Variants in PLSCR5 observed in about 807,000 individuals in gnomAD.
PLSCR5 encodes the protein phospholipid scramblase family, member 5.
In PLSCR5, 44 loss-of-function variants were observed where a neutral mutation model predicts 33.6. The observed-to-expected ratio is 1.31, with a 90% CI of 1.03 to 1.69. The LOEUF (loss-of-function observed/expected upper bound fraction) is 1.69, where lower values mean the gene tolerates loss of function less well. PLSCR5 is among the 40% of genes most tolerant of loss of function. The pLI is 0.00. For synonymous variants in PLSCR5, 148 were observed against 112.3 expected (o/e 1.32, Z -2.01); for missense variants, 375 against 318.7 (o/e 1.18, Z -1.34).
downstream of PLSCR5, among the ~76,000 whole-genome samples, chr3:146,581,586 A>C (rs752211298): frequency 9.2e-5 from 14 of 152,214 alleles, no homozygotes; most frequent in Non-Finnish European, 1.9e-4. Context: ...TTTCAAAAAT[A>C]TTAGCTAAAT....
At chr3:146,589,552 T>A (rs56763997) in intron 6 of PLSCR5, 101 bp downstream of exon 6, 303,281 of 1,134,534 alleles carry the variant, frequency 0.27, 41,240 homozygotes, top group African/African-American at 0.36. Context: ...TAAAATATAC[T>A]CTTTGGGGGT....
rs1414318908 is a variant in PLSCR5 at position 146,605,330 on chromosome 3, C to T, written c.-118G>A. The T allele has an allele frequency of 1.9e-6, 3 of 1,562,318 alleles. No individual in the cohort carries two copies. The highest frequency in any genetic ancestry group is 1.4e-5 in the African/African-American group (1 of 73,280). On this transcript the variant is annotated 5_prime_UTR_variant, in exon 1 of 8. Coordinates refer to ENST00000443512, the MANE Select transcript of PLSCR5 (RefSeq NM_001085420.2). ...AACTTCAGAACGTGTTTGTCTGCCT[C>T]TTGTCAGCTTACATATAACAGAGGA...
At chr3:146,579,079 G>A (rs2044616939) in intron 7 of PLSCR5, among the ~76,000 whole-genome samples, 1 of 151,798 alleles carries the variant, frequency 6.6e-6, no homozygotes, top group Non-Finnish European at 1.5e-5. Context: ...CAGTTAGAAT[G>A]AACCACAATA....
At chr3:146,593,278 C>A (rs1435907356) in intron 4 of PLSCR5, among the ~76,000 whole-genome samples, 11 of 152,110 alleles carry the variant, frequency 7.2e-5, no homozygotes, top group Non-Finnish European at 1.0e-4. Flanking sequence ...TGTTCTTGCT[C>A]ATGAGTAGAA....
intron 4 of PLSCR5, among the ~76,000 whole-genome samples, chr3:146,593,128 T>C (rs1184749364): frequency 1.3e-5 from 2 of 152,138 alleles, no homozygotes; most frequent in East Asian, 3.8e-4. Context: ...GGGCTTAAAT[T>C]AGGACACCTG....
At chr3:146,584,370 C>T (rs1018206229), downstream of PLSCR5, among the ~76,000 whole-genome samples, 5 of 152,088 alleles carry the variant, frequency 3.3e-5, no homozygotes, top group Non-Finnish European at 7.4e-5. Flanking sequence ...GCAGCACTGG[C>T]AAACAGCAAA....
intron 6 of PLSCR5, among the ~76,000 whole-genome samples, chr3:146,586,563 T>A (rs2044667480): frequency 6.6e-6 from 1 of 152,164 alleles, no homozygotes. Context: ...TTATAATGGA[T>A]ACGAATATTT....
At chr3:146,580,595 G>A (rs1409213402) in intron 7 of PLSCR5, among the ~76,000 whole-genome samples, 2 of 151,062 alleles carry the variant, frequency 1.3e-5, no homozygotes, top group Non-Finnish European at 2.9e-5. Flanking sequence ...CTCCCGAGTA[G>A]CTGGGACTAC....
Position 146,593,928 on chromosome 3 carries a change from G to A in PLSCR5, c.445C>T (p.Leu149=), listed in dbSNP as rs1037254645. 3.7e-6 allele frequency: 6 copies of A among 1,613,334 alleles called. No individual in the cohort carries two copies. Among genetic ancestry groups the A allele is most frequent in the Non-Finnish European group, 5.1e-6 (6 of 1,179,512 alleles). The change falls in exon 4 of 8, where the codon CTA becomes TTA. Residue 149 remains leucine (L), a synonymous_variant. Coordinates refer to ENST00000443512, the MANE Select transcript of PLSCR5 (RefSeq NM_001085420.2). Reference sequence around the variant, plus strand: ...CAGAGCCAGTAACTAACCTCTTGTAGGTAGCAAGGGCACCAGCAGCTGTTA... The same window carrying A: ...CAGAGCCAGTAACTAACCTCTTGTAAGTAGCAAGGGCACCAGCAGCTGTTA... The part of the protein sequence containing the change: ...RCNSCWCPCY[L]QELEIQAPPG...
At chr3:146,598,564 C>A (rs16858580) in intron 2 of PLSCR5, among the ~76,000 whole-genome samples, 7,751 of 152,170 alleles carry the variant, frequency 0.051, 675 homozygotes, top group African/African-American at 0.18. Flanking sequence ...ACTTATTGAA[C>A]ACAACAAAAA....
At chr3:146,584,656 G>C (rs1384058043), downstream of PLSCR5, among the ~76,000 whole-genome samples, 1 of 151,896 alleles carries the variant, frequency 6.6e-6, no homozygotes, top group African/African-American at 2.4e-5. Flanking sequence ...GTGTAAATAA[G>C]GAAAAAGAAA....
chr3:146,582,879 T>C (rs2044641389), downstream of PLSCR5, among the ~76,000 whole-genome samples: 1 of 152,188 alleles, frequency 6.6e-6, no homozygotes, highest in Non-Finnish European at 1.5e-5. Context: ...CTTTTTGAGA[T>C]GTCTTTTCAG....
At position 146,594,059 on chromosome 3, in the gene PLSCR5, C is replaced by T; in HGVS notation, c.314G>A (p.Ser105Asn). 1 of 1,613,768 alleles carries T rather than the reference C, an allele frequency of 6.2e-7. No homozygotes were observed. The highest frequency in any genetic ancestry group is 8.5e-7 in the Non-Finnish European group (1 of 1,179,770). ...GQRIYFAVEE[S>N]ICFNRTFCST... is the part of the protein sequence containing the mutation. ...ACAGAAAGTACGATTGAAGCAGATG[C>T]TTTCCTCCACTGCAAAGTAAATTCT... The change falls in exon 4 of 8, where the codon AGC becomes AAC. Residue 105 changes from serine to asparagine, a missense_variant. By Grantham distance (46) the Ser-to-Asn change is conservative. Transcript: ENST00000443512.
chr3:146,599,311 GCAGA>G (rs776183873), intron 2 of PLSCR5, among the ~76,000 whole-genome samples: 3 of 152,262 alleles, frequency 2.0e-5, no homozygotes, highest in South Asian at 2.1e-4. Flanking sequence ...AGTGGTATCA[GCAGA>G]CAATGTTCAC....
At chr3:146,595,756 A>G (rs2044755533) in intron 2 of PLSCR5, among the ~76,000 whole-genome samples, 1 of 152,226 alleles carries the variant, frequency 6.6e-6, no homozygotes, top group Non-Finnish European at 1.5e-5. Flanking sequence ...AAGATGTTTT[A>G]CAACTCAATT....
At chr3:146,605,082 A>T in intron 1 of PLSCR5, 118 bp downstream of exon 1, 1 of 1,075,098 alleles carries the variant, frequency 9.3e-7, no homozygotes. Context: ...CACAATGTTC[A>T]AAAGTGACAA....
Position 146,591,819 on chromosome 3 carries a change from A to G in PLSCR5, c.516T>C (p.Phe172=). ...VGYVTQKWDP[F]LPKFTIQNAN... is the part of the protein sequence containing the mutation. ...CATTTTGGATTGTGAATTTAGGCAG[A>G]AAGGGGTCCCACTTCTGCGTAACGT... The change falls in exon 5 of 8, where the codon TTT becomes TTC. Residue 172 remains phenylalanine (F), a synonymous_variant. Coordinates refer to ENST00000443512, the MANE Select transcript of PLSCR5 (RefSeq NM_001085420.2). 6.2e-7 allele frequency: 1 copy of G among 1,612,548 alleles called. No homozygotes were observed. Among genetic ancestry groups the G allele is most frequent in the Non-Finnish European group, 8.5e-7 (1 of 1,179,062 alleles).
intron 4 of PLSCR5, among the ~76,000 whole-genome samples, chr3:146,592,386 T>A (rs953064940): frequency 1.4e-4 from 22 of 152,238 alleles, no homozygotes; most frequent in African/African-American, 4.1e-4. Context: ...AGAGTTATAG[T>A]CATTAAACAC....
chr3:146,584,906 G>A (rs182420697), downstream of PLSCR5, among the ~76,000 whole-genome samples: 30 of 152,124 alleles, frequency 2.0e-4, no homozygotes, highest in Non-Finnish European at 2.9e-4. Context: ...GTGAAGAATC[G>A]CCTGGAATTT....
Sources: allele counts gnomAD v4.1 joint callset (sites outside exome capture counted in the v4.1 genomes callset), GRCh38; gene constraint gnomAD v4.1.1; transcripts MANE v1.5; gene names NCBI Gene and HGNC (gene_info 2026-07-23, HGNC 2026-07-21).